The following DACH1 variants were observed in gnomAD, a reference collection of about 807,000 sequenced individuals.
The protein encoded by DACH1 is dachshund family transcription factor 1, also known as dachshund homolog 1.
DACH1 carries 12 observed loss-of-function variants against 54.2 expected under a neutral mutation model. That is an observed-to-expected ratio of 0.22 (90% CI 0.14 to 0.36). The LOEUF is 0.36. Ranked by LOEUF, DACH1 falls within the 10% of genes least tolerant of loss-of-function variation. DACH1 has a pLI of 1.00. For synonymous variants in DACH1, 386 were observed against 366.2 expected (o/e 1.05, Z -0.62); for missense variants, 805 against 929.8 (o/e 0.87, Z 1.75).
intron 1 of DACH1, among the ~76,000 whole-genome samples, chr13:71,759,882 CT>C (rs1343568226): frequency 6.6e-6 from 1 of 152,094 alleles, no homozygotes; most frequent in African/African-American, 2.4e-5. Flanking sequence ...ACAAAGGGCC[CT>C]TATGAGGCAC....
intron 1 of DACH1, 146 bp from the exon 2 acceptor site, chr13:71,682,056 C>A: frequency 1.8e-6 from 1 of 548,900 alleles, no homozygotes; most frequent in Non-Finnish European, 3.2e-6. Context: ...ACTTCCATCA[C>A]TAATTAGATT....
chr13:71,447,686 A>C (rs1874592470), intron 10 of DACH1, among the ~76,000 whole-genome samples: 1 of 151,750 alleles, frequency 6.6e-6, no homozygotes, highest in African/African-American at 2.4e-5. Flanking sequence ...CAAAAAAATT[A>C]GCTGGATGTG....
intron 6 of DACH1, 32 bp from the exon 7 acceptor site, chr13:71,489,180 A>T: frequency 6.3e-7 from 1 of 1,597,346 alleles, no homozygotes; most frequent in Non-Finnish European, 8.5e-7. Context: ...ATATAGAACA[A>T]GTTACGCTTG....
intron 6 of DACH1, among the ~76,000 whole-genome samples, chr13:71,534,892 A>G (rs1441851147): frequency 6.6e-6 from 1 of 151,818 alleles, no homozygotes; most frequent in African/African-American, 2.4e-5. Context: ...CCTTGTTTAT[A>G]AGAGCTAAAT....
chr13:71,835,894 C>T (rs1173401315), intron 1 of DACH1, among the ~76,000 whole-genome samples: 1 of 151,962 alleles, frequency 6.6e-6, no homozygotes, highest in Non-Finnish European at 1.5e-5. Flanking sequence ...CTCATAAAAT[C>T]GCAGAGATCT....
intron 3 of DACH1, among the ~76,000 whole-genome samples, chr13:71,605,566 T>A (rs1311523571): frequency 6.6e-6 from 1 of 151,920 alleles, no homozygotes; most frequent in Non-Finnish European, 1.5e-5. Context: ...ATTGATTACT[T>A]TTCATATAAT....
At chr13:71,595,561 T>C (rs1874038792) in intron 3 of DACH1, among the ~76,000 whole-genome samples, 1 of 152,092 alleles carries the variant, frequency 6.6e-6, no homozygotes, top group South Asian at 2.1e-4. Flanking sequence ...GAATCAGAGA[T>C]GGTTCCAAGG....
At chr13:71,466,724 T>C (rs1876605621) in intron 10 of DACH1, among the ~76,000 whole-genome samples, 1 of 151,586 alleles carries the variant, frequency 6.6e-6, no homozygotes, top group East Asian at 1.9e-4. Context: ...ACAACGTCTG[T>C]GGTCCCAAAT....
chr13:71,556,608 T>C (rs1336110258), intron 6 of DACH1, among the ~76,000 whole-genome samples: 3 of 152,192 alleles, frequency 2.0e-5, no homozygotes, highest in Admixed American at 1.3e-4. Context: ...AATATATTTC[T>C]GTTTCCTTAT....
chr13:71,475,605 T>G (rs1490186118), intron 9 of DACH1, 101 bp downstream of exon 9: 3 of 1,350,492 alleles, frequency 2.2e-6, no homozygotes, highest in Non-Finnish European at 3.0e-6. Context: ...GCTGAATGAA[T>G]CACAAGATAT....
At chr13:71,582,006 C>T (rs1872886149) in intron 3 of DACH1, among the ~76,000 whole-genome samples, 1 of 151,960 alleles carries the variant, frequency 6.6e-6, no homozygotes, top group Non-Finnish European at 1.5e-5. Context: ...AAAGGAGATG[C>T]CCAGTGAGGA....
chr13:71,556,080 G>C (rs1469010448), intron 6 of DACH1, among the ~76,000 whole-genome samples: 2 of 152,094 alleles, frequency 1.3e-5, no homozygotes, highest in Non-Finnish European at 2.9e-5. Flanking sequence ...TTTGTGAGTA[G>C]TCTTTTTGGT....
intron 10 of DACH1, among the ~76,000 whole-genome samples, chr13:71,468,697 T>A (rs960950006): frequency 6.6e-6 from 1 of 152,218 alleles, no homozygotes; most frequent in Non-Finnish European, 1.5e-5. Flanking sequence ...ATGTCATATA[T>A]TAAATCAAAA....
chr13:71,682,125 C>G (rs1242916585), intron 1 of DACH1, among the ~76,000 whole-genome samples: 2 of 152,180 alleles, frequency 1.3e-5, no homozygotes, highest in East Asian at 1.9e-4. Flanking sequence ...TAATTCATAG[C>G]CTGCACCTCG....
chr13:71,774,633 A>C (rs1190195148), intron 1 of DACH1, among the ~76,000 whole-genome samples: 1 of 152,128 alleles, frequency 6.6e-6, no homozygotes, highest in Non-Finnish European at 1.5e-5. Flanking sequence ...CGGATTTTAA[A>C]AGCTTAGTAA....
chr13:71,657,834 C>T (rs1879232403), intron 2 of DACH1, among the ~76,000 whole-genome samples: 1 of 151,900 alleles, frequency 6.6e-6, no homozygotes, highest in South Asian at 2.1e-4. Flanking sequence ...TTGTCTTGAA[C>T]TCAGCTCAAG....
intron 1 of DACH1, among the ~76,000 whole-genome samples, chr13:71,764,336 A>C (rs1885528620): frequency 1.3e-5 from 2 of 152,164 alleles, no homozygotes; most frequent in South Asian, 4.1e-4. Flanking sequence ...TCAAGGCTGC[A>C]ATGAGCTATG....
rs371104801 is a variant in DACH1 at position 71,457,356 on chromosome 13, G to C, written c.2084-16664C>G. On this transcript the variant is annotated intron_variant, in intron 10 of 10. Transcript: ENST00000613252. ...AGATAAAATCTGCAGAATCAACAAA[G>C]ATGCAAAATAACTAAGTCAAAACAT... is the stretch of plus-strand genomic sequence containing the variant. Among the ~76,000 whole-genome samples, 67 of 152,072 alleles carry C rather than the reference G, an allele frequency of 4.4e-4. 1 individual carries two copies. Among genetic ancestry groups the C allele is most frequent in the South Asian group, 1.9e-3 (9 of 4,826 alleles).
intron 4 of DACH1, among the ~76,000 whole-genome samples, chr13:71,566,729 C>A (rs1476295206): frequency 2.0e-5 from 3 of 151,886 alleles, no homozygotes; most frequent in Non-Finnish European, 4.4e-5. Flanking sequence ...TTTAGGTTAA[C>A]ATCTTTTTTC....
Sources: gnomAD v4.1 joint callset for allele counts (sites outside exome capture counted in the v4.1 genomes callset) on GRCh38, gnomAD v4.1.1 for gene constraint, MANE v1.5 for transcripts, NCBI Gene and HGNC (gene_info 2026-07-23, HGNC 2026-07-21) for gene names.